Variants in PSD3 observed in about 807,000 individuals in gnomAD.
The protein encoded by PSD3 is PH and SEC7 domain-containing protein 3.
PSD3 carries 49 observed loss-of-function variants against 105.5 expected under a neutral mutation model. The ratio of observed to expected loss-of-function variants is 0.46; its 90% CI spans 0.37 to 0.59. The LOEUF is 0.59. PSD3 is among the 20% of genes least tolerant of loss of function. The pLI, the probability that PSD3 is intolerant of heterozygous loss-of-function variation, is 0.00. For missense variants in PSD3, 1,561 were observed against 1,263.8 expected (o/e 1.24, Z -3.57); for synonymous variants, 557 against 457.8 (o/e 1.22, Z -2.77).
At chr8:18,808,087 G>T (rs11778064) in intron 4 of PSD3, among the ~76,000 whole-genome samples, 68,965 of 152,056 alleles carry the variant, frequency 0.45, 17,198 homozygotes, top group Non-Finnish European at 0.55. Context: ...GCAATTCATG[G>T]TTACTTTGTG....
At chr8:18,984,154 G>C (rs1369556058) in intron 1 of PSD3, among the ~76,000 whole-genome samples, 2 of 150,862 alleles carry the variant, frequency 1.3e-5, no homozygotes, top group African/African-American at 4.9e-5. Flanking sequence ...GATGCTGAAA[G>C]ACTTGCTCCA....
chr8:18,633,958 T>A lies in PSD3; in HGVS notation c.2217-1152A>T, dbSNP rs545349541. On this transcript the variant is annotated intron_variant, in intron 10 of 15. Coordinates refer to ENST00000327040, the MANE Select transcript of PSD3 (RefSeq NM_015310.4). ...TTTTTGCCTTTTTAATAACAGCCAT[T>A]CTGACTGGTGTCAGATGGTATCTCA... Among the ~76,000 whole-genome samples the A allele has an allele frequency of 1.2e-4, 19 of 152,048 alleles. No individual in the cohort carries two copies. The East Asian group carries it at 2.3e-3, about 19-fold the overall frequency.
At chr8:18,788,507 T>A (rs183381259) in intron 8 of PSD3, among the ~76,000 whole-genome samples, 1 of 152,304 alleles carries the variant, frequency 6.6e-6, no homozygotes. Context: ...AGGGCAGCTG[T>A]GTCAATCAGG....
chr8:18,559,064 C>T (rs1386091474), intron 14 of PSD3, among the ~76,000 whole-genome samples: 3 of 151,622 alleles, frequency 2.0e-5, no homozygotes, highest in Non-Finnish European at 4.4e-5. Flanking sequence ...ATTTTTTTTC[C>T]CTGTTATAAA....
intron 9 of PSD3, among the ~76,000 whole-genome samples, chr8:18,709,185 T>G (rs552969845): frequency 6.6e-6 from 1 of 152,218 alleles, no homozygotes; most frequent in Non-Finnish European, 1.5e-5. Flanking sequence ...GACTGGGCAG[T>G]TTAGACCAGG....
At chr8:18,698,083 G>A (rs917492179) in intron 9 of PSD3, among the ~76,000 whole-genome samples, 3 of 151,978 alleles carry the variant, frequency 2.0e-5, no homozygotes, top group Non-Finnish European at 4.4e-5. Context: ...TGTCTCAGTG[G>A]GCACACAGGA....
At chr8:18,760,984 G>C (rs1437600415) in intron 9 of PSD3, among the ~76,000 whole-genome samples, 2 of 152,072 alleles carry the variant, frequency 1.3e-5, no homozygotes, top group Admixed American at 6.6e-5. Context: ...GATAATCTTG[G>C]GATCTTAGCA....
At chr8:18,702,344 T>C (rs1801632693) in intron 9 of PSD3, among the ~76,000 whole-genome samples, 3 of 152,220 alleles carry the variant, frequency 2.0e-5, no homozygotes, top group African/African-American at 4.8e-5. Flanking sequence ...TTATGGGTTG[T>C]TCTAAGAGTT....
intron 15 of PSD3, among the ~76,000 whole-genome samples, chr8:18,539,681 G>C (rs1800045930): frequency 6.6e-6 from 1 of 151,376 alleles, no homozygotes; most frequent in East Asian, 2.0e-4. Context: ...TGGAGTAGCT[G>C]GGACTGCAGG....
At chr8:18,676,809 CCAGT>C (rs1263291318) in intron 9 of PSD3, among the ~76,000 whole-genome samples, 3 of 152,220 alleles carry the variant, frequency 2.0e-5, no homozygotes, top group Admixed American at 1.3e-4. Flanking sequence ...TCCTGCAGAG[CCAGT>C]CAGAGGACCC....
chr8:18,902,307 T>C (rs986224542), intron 2 of PSD3, among the ~76,000 whole-genome samples: 34 of 152,238 alleles, frequency 2.2e-4, no homozygotes, highest in African/African-American at 7.0e-4. Context: ...ATTTCACTGA[T>C]TGAATTCTTC....
At chr8:19,023,725 C>A (rs1827444188) in intron 1 of PSD3, among the ~76,000 whole-genome samples, 1 of 152,220 alleles carries the variant, frequency 6.6e-6, no homozygotes, top group Non-Finnish European at 1.5e-5. Flanking sequence ...GCATGAGCCA[C>A]TGAGAATGGC....
In PSD3 at chr8:18,892,004, C is replaced by T. The variant is rs1431211929; in HGVS notation, c.131-19271G>A. Among the ~76,000 whole-genome samples the T allele has an allele frequency of 2.6e-5, 4 of 152,264 alleles. No homozygotes were observed. The East Asian group carries it at 7.7e-4, about 29-fold the overall frequency. On this transcript the variant is annotated intron_variant, in intron 2 of 15. Coordinates refer to ENST00000327040, the MANE Select transcript of PSD3 (RefSeq NM_015310.4). ...ACACAGTTAAAAGAATAAGAAGCAA[C>T]CCTCAGACCAAAGTTTACAAAAGGG...
chr8:18,896,303 T>G (rs114764391), intron 2 of PSD3, among the ~76,000 whole-genome samples: 2 of 152,218 alleles, frequency 1.3e-5, no homozygotes, highest in Non-Finnish European at 2.9e-5. Context: ...ATCTTCAACA[T>G]ACTGATTTCC....
intron 1 of PSD3, among the ~76,000 whole-genome samples, chr8:18,969,088 T>A (rs1824471117): frequency 6.6e-6 from 1 of 152,188 alleles, no homozygotes; most frequent in African/African-American, 2.4e-5. Flanking sequence ...TTCTTTTAAA[T>A]CTTTAAATTA....
intron 14 of PSD3, 86 bp from the exon 15 acceptor site, chr8:18,556,438 C>T (rs1002279385): frequency 5.7e-6 from 8 of 1,404,936 alleles, no homozygotes; most frequent in African/African-American, 2.9e-5. Flanking sequence ...ATCCCCTGTG[C>T]TGAATGACTT....
chr8:18,720,384 A>AAT (rs1015991428), intron 9 of PSD3, among the ~76,000 whole-genome samples: 8 of 152,308 alleles, frequency 5.3e-5, no homozygotes, highest in African/African-American at 1.7e-4. Context: ...AACACATTTT[A>AAT]ATAAAATATC....
intron 1 of PSD3, among the ~76,000 whole-genome samples, chr8:19,060,256 T>C (rs1296137127): frequency 6.6e-6 from 1 of 152,164 alleles, no homozygotes. Flanking sequence ...ACTTTAAAAA[T>C]GAAATGAGTT....
chr8:18,996,045 G>A (rs1403247245), intron 1 of PSD3, among the ~76,000 whole-genome samples: 5 of 151,948 alleles, frequency 3.3e-5, no homozygotes, highest in African/African-American at 1.2e-4. Flanking sequence ...ATGTCCCCAG[G>A]TGATTTCCAC....
Sources: allele counts gnomAD v4.1 joint callset (sites outside exome capture counted in the v4.1 genomes callset), GRCh38; gene constraint gnomAD v4.1.1; transcripts MANE v1.5; gene names NCBI Gene and HGNC (gene_info 2026-07-23, HGNC 2026-07-21).